C8orf34: variants seen among roughly 807,000 people sequenced by gnomAD.
C8orf34 encodes uncharacterized protein C8orf34.
In C8orf34, 65 loss-of-function variants were observed where a neutral mutation model predicts 68.3. The observed-to-expected ratio is 0.95, with a 90% CI of 0.78 to 1.17. The LOEUF (loss-of-function observed/expected upper bound fraction) is 1.17, where lower values mean the gene tolerates loss of function less well. C8orf34 is among the 50% of genes most tolerant of loss of function. The probability of loss-of-function intolerance (pLI) is 0.00; values close to 1 mark genes in which losing one functional copy is unlikely to be tolerated. For missense variants in C8orf34, 664 were observed against 655.4 expected (o/e 1.01, Z -0.14); for synonymous variants, 244 against 241.2 (o/e 1.01, Z -0.11).
chr8:68,745,385 T>C (rs956571551), intron 10 of C8orf34, among the ~76,000 whole-genome samples: 1 of 151,912 alleles, frequency 6.6e-6, no homozygotes, highest in Admixed American at 6.6e-5. Context: ...CATATAATAA[T>C]ATTACCTTTA....
At chr8:68,510,038 A>G (rs957822962) in intron 5 of C8orf34, among the ~76,000 whole-genome samples, 1 of 152,196 alleles carries the variant, frequency 6.6e-6, no homozygotes, top group African/African-American at 2.4e-5. Context: ...GGAATCAGCC[A>G]TGCTTACCTG....
chr8:68,515,278 CT>C (rs1814459046), intron 5 of C8orf34, among the ~76,000 whole-genome samples: 1 of 149,102 alleles, frequency 6.7e-6, no homozygotes, highest in African/African-American at 2.5e-5. Context: ...TTTTTTTTGT[CT>C]TTTTCCTGTA....
intron 3 of C8orf34, among the ~76,000 whole-genome samples, chr8:68,452,686 A>G (rs1344162702): frequency 6.7e-6 from 1 of 148,734 alleles, no homozygotes; most frequent in African/African-American, 2.5e-5. Flanking sequence ...GATATGATTT[A>G]TGAATATTTT....
intron 1 of C8orf34, among the ~76,000 whole-genome samples, chr8:68,346,110 G>T (rs1171738978): frequency 6.6e-6 from 1 of 152,078 alleles, no homozygotes; most frequent in Non-Finnish European, 1.5e-5. Flanking sequence ...ATTTCAATAT[G>T]TATGTAGAAC....
rs116497899 is a variant in C8orf34 at position 68,487,783 on chromosome 8, C to T, written c.737-240C>T. Among the ~76,000 whole-genome samples, 1,245 of 152,292 alleles carry T rather than the reference C, an allele frequency of 8.2e-3. 20 individuals are homozygous for T. The highest frequency in any genetic ancestry group is 0.027 in the African/African-American group (1,139 of 41,566). ...ACCACCTGCAAGGAATATGGCGCTG[C>T]TTTGTTTTTGTTGCATCATTTGCAT... On this transcript the variant is annotated intron_variant, in intron 4 of 13. Coordinates refer to ENST00000518698, the MANE Select transcript of C8orf34 (RefSeq NM_052958.4).
intron 8 of C8orf34, among the ~76,000 whole-genome samples, chr8:68,664,434 A>G (rs1819776503): frequency 6.6e-6 from 1 of 152,208 alleles, no homozygotes; most frequent in South Asian, 2.1e-4. Flanking sequence ...CAAAAGCAAT[A>G]CAAATTTAGT....
At chr8:68,725,203 T>C (rs1288121721) in intron 10 of C8orf34, among the ~76,000 whole-genome samples, 1 of 152,180 alleles carries the variant, frequency 6.6e-6, no homozygotes, top group East Asian at 1.9e-4. Context: ...TAAATAAACA[T>C]ATGGGTGTTA....
chr8:68,384,361 T>C (rs527990510), intron 1 of C8orf34, among the ~76,000 whole-genome samples: 160 of 152,296 alleles, frequency 1.1e-3, no homozygotes, highest in African/African-American at 3.6e-3. Context: ...CACTTCTTGA[T>C]TTGCTGTCTG....
Position 68,523,501 on chromosome 8 carries a change from A to T in C8orf34, c.938+1530A>T, listed in dbSNP as rs55831315. 8.8e-3 allele frequency among the ~76,000 whole-genome samples: 1,342 copies of T among 152,038 alleles called. 24 individuals are homozygous for T. Among genetic ancestry groups the T allele is most frequent in the African/African-American group, 0.031 (1,280 of 41,448 alleles). ...ACCTGTCTCTTAAATGTTTGTCTTAATTTTTTTCAGCTTTATTTTGCTCTG... is the reference window on the plus strand; with the variant it reads ...ACCTGTCTCTTAAATGTTTGTCTTATTTTTTTTCAGCTTTATTTTGCTCTG... On this transcript the variant is annotated intron_variant, in intron 6 of 13. Coordinates refer to ENST00000518698, the MANE Select transcript of C8orf34 (RefSeq NM_052958.4).
intron 3 of C8orf34, among the ~76,000 whole-genome samples, chr8:68,467,271 G>A (rs1400670067): frequency 2.0e-5 from 3 of 151,946 alleles, no homozygotes; most frequent in Non-Finnish European, 4.4e-5. Flanking sequence ...TATTGTTCAT[G>A]GTTGAGCCAT....
intron 8 of C8orf34, among the ~76,000 whole-genome samples, chr8:68,649,911 G>A (rs1819293820): frequency 6.6e-6 from 1 of 152,044 alleles, no homozygotes; most frequent in South Asian, 2.1e-4. Flanking sequence ...TGCCTATGGG[G>A]TTATAGTGGA....
chr8:68,496,099 T>C (rs1043241783), intron 5 of C8orf34, among the ~76,000 whole-genome samples: 1 of 152,222 alleles, frequency 6.6e-6, no homozygotes, highest in Admixed American at 6.5e-5. Flanking sequence ...GACAGAATAA[T>C]GTCTTAAAAA....
chr8:68,415,209 G>A lies in C8orf34; in HGVS notation c.328-24290G>A, dbSNP rs1225500637. Among the ~76,000 whole-genome samples the A allele has an allele frequency of 2.0e-5, 3 of 152,060 alleles. 1 individual carries two copies. The highest frequency in any genetic ancestry group is 4.1e-4 in the South Asian group (2 of 4,828). ...AAAAGTGTATGGAGAGGCTGGGCACGGTGGGTCACGCCTATAATCCCAGCA... is the reference window on the plus strand; with the variant it reads ...AAAAGTGTATGGAGAGGCTGGGCACAGTGGGTCACGCCTATAATCCCAGCA... On this transcript the variant is annotated intron_variant, in intron 1 of 13. Coordinates refer to ENST00000518698, the MANE Select transcript of C8orf34 (RefSeq NM_052958.4).
At chr8:68,638,681 G>A (rs1369096185) in intron 7 of C8orf34, among the ~76,000 whole-genome samples, 6 of 151,708 alleles carry the variant, frequency 4.0e-5, no homozygotes, top group Admixed American at 6.6e-5. Flanking sequence ...CTCTGAGGTC[G>A]TTGTCCAGTT....
At chr8:68,675,370 A>C (rs1352289111) in intron 8 of C8orf34, among the ~76,000 whole-genome samples, 2 of 152,164 alleles carry the variant, frequency 1.3e-5, no homozygotes, top group Non-Finnish European at 2.9e-5. Flanking sequence ...TTTTCAAGAC[A>C]GACAGTATAA....
chr8:68,777,151 C>T (rs1470170380), intron 11 of C8orf34, among the ~76,000 whole-genome samples: 3 of 152,166 alleles, frequency 2.0e-5, no homozygotes, highest in South Asian at 2.1e-4. Context: ...TGTTAAGAAC[C>T]GCCTAAAAGG....
chr8:68,408,116 G>A (rs1809278682), intron 1 of C8orf34, among the ~76,000 whole-genome samples: 1 of 151,984 alleles, frequency 6.6e-6, no homozygotes, highest in South Asian at 2.1e-4. Context: ...TCTGCCTCCT[G>A]TCAGGTCAGC....
intron 8 of C8orf34, among the ~76,000 whole-genome samples, chr8:68,666,926 T>G (rs1220542780): frequency 1.3e-5 from 2 of 152,202 alleles, no homozygotes; most frequent in African/African-American, 4.8e-5. Flanking sequence ...AAATGCATCT[T>G]TTTTATGAAA....
chr8:68,486,317 C>A (rs1047562395), intron 4 of C8orf34, among the ~76,000 whole-genome samples: 1 of 152,226 alleles, frequency 6.6e-6, no homozygotes. Context: ...AGCTCCAATG[C>A]CAGCCCTCCT....
Sources: gnomAD v4.1 joint callset for allele counts (sites outside exome capture counted in the v4.1 genomes callset) on GRCh38, gnomAD v4.1.1 for gene constraint, MANE v1.5 for transcripts, NCBI Gene and HGNC (gene_info 2026-07-23, HGNC 2026-07-21) for gene names.